The following SLC4A10 variants were observed in gnomAD, a reference collection of about 807,000 sequenced individuals.
The protein encoded by SLC4A10 is sodium-driven chloride bicarbonate exchanger.
A neutral mutation model predicts 137.7 loss-of-function variants in SLC4A10; 42 were observed. That is an observed-to-expected ratio of 0.30 (90% CI 0.24 to 0.39). The LOEUF is 0.39. SLC4A10 is among the 10% of genes least tolerant of loss of function. The pLI, the probability that SLC4A10 is intolerant of heterozygous loss-of-function variation, is 1.00. For synonymous variants in SLC4A10, 474 were observed against 464.1 expected (o/e 1.02, Z -0.27); for missense variants, 925 against 1,355.0 (o/e 0.68, Z 4.98).
At chr2:161,942,337 C>G (rs1692861484) in intron 15 of SLC4A10, among the ~76,000 whole-genome samples, 1 of 152,116 alleles carries the variant, frequency 6.6e-6, no homozygotes, top group Admixed American at 6.6e-5. Flanking sequence ...GTATCTTTGT[C>G]TATATCTTCT....
At chr2:161,630,157 TGA>T (rs1207458638) in intron 1 of SLC4A10, among the ~76,000 whole-genome samples, 1 of 151,936 alleles carries the variant, frequency 6.6e-6, no homozygotes, top group Non-Finnish European at 1.5e-5. Context: ...GAGCAATGAA[TGA>T]GAGTTCCTCT....
chr2:161,982,233 G>T (rs1700317603), intron 26 of SLC4A10, among the ~76,000 whole-genome samples: 1 of 152,160 alleles, frequency 6.6e-6, no homozygotes, highest in Admixed American at 6.5e-5. Flanking sequence ...TGTCAGCAGT[G>T]GGGAGGGTCA....
In SLC4A10 at chr2:161,853,756, C is replaced by T. The variant is rs541927089; in HGVS notation, c.417-1214C>T. Among the ~76,000 whole-genome samples, 7 of 152,236 alleles carry T rather than the reference C, an allele frequency of 4.6e-5. No homozygotes were observed. In the East Asian group the frequency reaches 1.2e-3, roughly 25 times the overall value. ...TTCAATATGGCATATCTATTCTTAC[C>T]TGATTGTAAATTTTGGCAGGTATAA... On this transcript the variant is annotated intron_variant, in intron 4 of 26. Coordinates refer to ENST00000446997, the MANE Select transcript of SLC4A10 (RefSeq NM_001178015.2).
chr2:161,942,656 T>C, intron 15 of SLC4A10, 136 bp from the exon 16 acceptor site: 1 of 661,456 alleles, frequency 1.5e-6, no homozygotes, highest in Non-Finnish European at 2.7e-6. Flanking sequence ...TGTGGAGTAG[T>C]TTAGGATAAC....
intron 15 of SLC4A10, among the ~76,000 whole-genome samples, chr2:161,933,833 G>T (rs1691070114): frequency 6.6e-6 from 1 of 151,930 alleles, no homozygotes; most frequent in African/African-American, 2.4e-5. Flanking sequence ...ATTACCTTTG[G>T]GTACATATCC....
At chr2:161,770,667 T>C (rs1160057456) in intron 1 of SLC4A10, among the ~76,000 whole-genome samples, 1 of 151,940 alleles carries the variant, frequency 6.6e-6, no homozygotes, top group Non-Finnish European at 1.5e-5. Flanking sequence ...TAAAAATGCA[T>C]TTTACTAAAT....
At chr2:161,915,054 C>G (rs11683337) in intron 15 of SLC4A10, among the ~76,000 whole-genome samples, 3 of 152,008 alleles carry the variant, frequency 2.0e-5, no homozygotes, top group Admixed American at 2.0e-4. Context: ...CCAAAACTAC[C>G]TAAGGCCCAC....
intron 1 of SLC4A10, among the ~76,000 whole-genome samples, chr2:161,669,797 A>G (rs559357917): frequency 6.6e-6 from 1 of 152,160 alleles, no homozygotes; most frequent in African/African-American, 2.4e-5. Context: ...TTGAATTATT[A>G]TTTAGAATAC....
At chr2:161,978,524 T>C (rs1268275788) in intron 26 of SLC4A10, among the ~76,000 whole-genome samples, 2 of 151,962 alleles carry the variant, frequency 1.3e-5, no homozygotes, top group African/African-American at 2.4e-5. Flanking sequence ...ACTGGAAACA[T>C]GGGCAAGAGA....
chr2:161,937,543 G>A (rs570899908), intron 15 of SLC4A10, among the ~76,000 whole-genome samples: 4 of 152,252 alleles, frequency 2.6e-5, no homozygotes, highest in South Asian at 2.1e-4. Flanking sequence ...AGGTGTGGAT[G>A]CCTATTTGTT....
chr2:161,717,774 C>A (rs1050567506), intron 1 of SLC4A10, among the ~76,000 whole-genome samples: 30 of 152,088 alleles, frequency 2.0e-4, no homozygotes, highest in African/African-American at 7.0e-4. Flanking sequence ...ATATCTCTCC[C>A]AGGTTTTGGT....
At chr2:161,909,648 A>G (rs1264771273) in intron 15 of SLC4A10, among the ~76,000 whole-genome samples, 1 of 152,222 alleles carries the variant, frequency 6.6e-6, no homozygotes. Flanking sequence ...CACTGTGTAC[A>G]TGAATCTGAT....
chr2:161,745,519 C>G (rs529646932), intron 1 of SLC4A10, among the ~76,000 whole-genome samples: 2 of 152,246 alleles, frequency 1.3e-5, no homozygotes, highest in African/African-American at 4.8e-5. Flanking sequence ...TTTGAATTCT[C>G]TGTCTGAAGA....
rs567244239 is a variant in SLC4A10 at position 161,953,482 on chromosome 2, C to A, written c.2541+2634C>A. Among the ~76,000 whole-genome samples the A allele has an allele frequency of 9.2e-3, 1,403 of 152,042 alleles. 19 individuals carry two copies. Among genetic ancestry groups the A allele is most frequent in the African/African-American group, 0.032 (1,330 of 41,470 alleles). ...GATTAGCTGGGCGTAGTGGCGGGCA[C>A]CTGTAATCCCAGCTACTCAGGAGGC... On this transcript the variant is annotated intron_variant, in intron 19 of 26. Transcript: ENST00000446997.
chr2:161,763,207 A>T (rs570017682), intron 1 of SLC4A10, among the ~76,000 whole-genome samples: 10 of 151,956 alleles, frequency 6.6e-5, no homozygotes, highest in African/African-American at 2.4e-4. Context: ...TCTACCCTTT[A>T]TTTGGCAATA....
chr2:161,977,876 A>T, intron 26 of SLC4A10, 116 bp downstream of exon 26: 6 of 879,090 alleles, frequency 6.8e-6, no homozygotes, highest in Non-Finnish European at 1.0e-5. Flanking sequence ...GGCAAAAGGC[A>T]TGGAGAGTGT....
intron 1 of SLC4A10, among the ~76,000 whole-genome samples, chr2:161,630,895 A>AT (rs909818122): frequency 1.3e-5 from 2 of 149,616 alleles, no homozygotes; most frequent in African/African-American, 2.5e-5. Context: ...ATTTGAAAAT[A>AT]TTTTTTTAGT....
chr2:161,958,687 C>A, intron 21 of SLC4A10, 132 bp downstream of exon 21: 1 of 580,294 alleles, frequency 1.7e-6, no homozygotes, highest in East Asian at 3.1e-5. Context: ...TTTCTTCAAA[C>A]TTGTCAGAGT....
chr2:161,740,109 C>T lies in SLC4A10; in HGVS notation c.49-30864C>T, dbSNP rs887119030. Among the ~76,000 whole-genome samples, 191 of 152,266 alleles carry T rather than the reference C, an allele frequency of 1.3e-3. 1 individual carries two copies. The highest frequency in any genetic ancestry group is 4.4e-3 in the African/African-American group (182 of 41,554). On this transcript the variant is annotated intron_variant, in intron 1 of 26. Transcript: ENST00000446997. ...ATTCTTTCATACTGCTAGAAAACAG[C>T]GTGCAGTTCAGCCCACTGAGCTGAT... is the stretch of plus-strand genomic sequence containing the variant.
Sources: allele counts gnomAD v4.1 joint callset (sites outside exome capture counted in the v4.1 genomes callset), GRCh38; gene constraint gnomAD v4.1.1; transcripts MANE v1.5; gene names NCBI Gene and HGNC (gene_info 2026-07-23, HGNC 2026-07-21).